OR51G2: variants seen among roughly 807,000 people sequenced by gnomAD.
The protein encoded by OR51G2 is olfactory receptor 51G2.
Under a neutral mutation model 11.8 loss-of-function variants are expected in OR51G2, and 13 were observed. That is an observed-to-expected ratio of 1.10 (90% CI 0.72 to 1.76). The LOEUF (loss-of-function observed/expected upper bound fraction) is 1.76. OR51G2 is among the 40% of genes most tolerant of loss of function. The pLI, the probability that OR51G2 is intolerant of heterozygous loss-of-function variation, is 0.00. For synonymous variants in OR51G2, 178 were observed against 151.9 expected, an observed-to-expected ratio of 1.17 and a Z score of -1.26; for missense variants, 474 against 394.4, an observed-to-expected ratio of 1.20 and a Z score of -1.71.
At position 4,914,964 on chromosome 11, in the gene OR51G2, C is replaced by T. The variant is rs761017743; in HGVS notation, c.700G>A (p.Ala234Thr). The T allele has an allele frequency of 8.0e-5, 129 of 1,614,066 alleles. No individual in the cohort carries two copies. Among genetic ancestry groups the T allele is most frequent in the South Asian group, 3.4e-4 (31 of 91,076 alleles). Reference sequence around the variant, plus strand: ...GCCTTGAATCTCTCAGCCCTGGAGGCGATGGACAGCACGGTGCGCAGGATC... The same window carrying T: ...GCCTTGAATCTCTCAGCCCTGGAGGTGATGGACAGCACGGTGCGCAGGATC... ...ALILRTVLSI[A>T]SRAERFKALN... The change falls in exon 2 of 2, where the codon GCC becomes ACC. Residue 234 changes from alanine (A) to threonine (T), a missense_variant. Ala to Thr is a moderately conservative substitution (Grantham distance 58, BLOSUM62 0). Transcript: ENST00000641926.
At position 4,915,339 on chromosome 11, in the gene OR51G2, T is replaced by C. The variant is rs1309310824; in HGVS notation, c.325A>G (p.Ile109Val). The C allele has an allele frequency of 6.2e-7, 1 of 1,613,798 alleles. No homozygotes were observed. Among genetic ancestry groups the C allele is most frequent in the Non-Finnish European group, 8.5e-7 (1 of 1,179,940 alleles). The change falls in exon 2 of 2, where the codon ATT becomes GTT. Residue 109 changes from isoleucine (I) to valine (V), a missense_variant. By Grantham distance (29) the Ile-to-Val change is conservative (BLOSUM62 3). Transcript: ENST00000641926. ...HDACFAQLFF[I>V]HCFSFLESSV... The stretch of plus-strand genomic sequence containing the variant: ...GACTCGAGGAAGGAGAAGCAGTGAA[T>C]GAAAAAGAGCTGAGCAAAGCAGGCA...
rs113922332 is a variant in OR51G2, at chr11:4,914,861, C to T, written c.803G>A (p.Arg268His). 1.5e-4 allele frequency: 236 copies of T among 1,613,924 alleles called. 1 individual carries two copies. Among genetic ancestry groups the T allele is most frequent in the East Asian group, 7.6e-4 (34 of 44,836 alleles). The change falls in exon 2 of 2, where the codon CGC becomes CAC. Residue 268 changes from arginine to histidine, a missense_variant. Arg to His is a conservative substitution (Grantham distance 29, BLOSUM62 0). Transcript: ENST00000641926. ...TPMIGLSVIHRFGKQAPHLVQ... is the reference protein window; with the variant it reads ...TPMIGLSVIHHFGKQAPHLVQ... ...CAGGTGGGGTGCCTGCTTTCCAAAGCGATGGATGACAGAGAGGCCAATCAT... is the reference window on the plus strand; with the variant it reads ...CAGGTGGGGTGCCTGCTTTCCAAAGTGATGGATGACAGAGAGGCCAATCAT...
Position 4,914,884 on chromosome 11 carries a change from C to CATGGGAGTGTAGAAGAGCAGCACAGCA in OR51G2, c.753_779dup (p.Pro259_Met260insIleAlaValLeuLeuPheTyrThrPro). 1 of 1,614,078 alleles carries CATGGGAGTGTAGAAGAGCAGCACAGCA rather than the reference C, an allele frequency of 6.2e-7. No individual in the cohort carries two copies. The highest frequency in any genetic ancestry group is 8.5e-7 in the Non-Finnish European group (1 of 1,180,010). ...AGCGATGGATGACAGAGAGGCCAAT[C>CATGGGAGTGTAGAAGAGCAGCACAGCA]ATGGGAGTGTAGAAGAGCAGCACAG... is the stretch of plus-strand genomic sequence containing the variant. On this transcript the variant is annotated inframe_insertion, in exon 2 of 2. Coordinates refer to ENST00000641926, the MANE Select transcript of OR51G2 (RefSeq NM_001005238.2).
rs549541455 is a variant in OR51G2, at chr11:4,915,426, G to T, written c.238C>A (p.Leu80Ile). Residue 80 changes from leucine to isoleucine, a missense_variant, in exon 2 of 2, where the codon CTT (leucine) becomes ATT (isoleucine). By Grantham distance (5) the Leu-to-Ile change is conservative (BLOSUM62 2). Transcript: ENST00000641926. Reference protein sequence around the residue: ...MLALIDLGLSLCTLPTVLGIF... With the variant: ...MLALIDLGLSICTLPTVLGIF... The stretch of plus-strand genomic sequence containing the variant: ...CCCAGGACTGTAGGGAGAGTGCAAA[G>T]GGAGAGACCCAGGTCAATCAGAGCC... The T allele has an allele frequency of 1.9e-6, 3 of 1,614,066 alleles. No homozygotes were observed. The East Asian group carries it at 6.7e-5, about 36-fold the overall frequency.
At chr11:4,917,133 G>A (rs61880592) in intron 1 of OR51G2, among the ~76,000 whole-genome samples, 4 of 139,172 alleles carry the variant, frequency 2.9e-5, no homozygotes, top group African/African-American at 5.5e-5. Flanking sequence ...GCCCCAGTAC[G>A]CAGCAGATGC....
At position 4,912,712 on chromosome 11, in the gene OR51G2, G is replaced by A. The variant is rs1851009848; in HGVS notation, c.*2007C>T. ...TTATGGGATCTGAGTTACGTAACAG[G>A]CAGCTATAACCTAGGCAGCTGTAAT... On this transcript the variant is annotated 3_prime_UTR_variant, in exon 2 of 2. Transcript: ENST00000641926. 6.6e-6 allele frequency: 1 copy of A among 152,146 alleles called. No individual in the cohort carries two copies. 9.4% of individuals were successfully genotyped at this position (152,146 alleles called of 1,614,324 possible). A position where few individuals can be genotyped will look rare whatever the true frequency, so the allele number is the denominator to read the frequency against.
intron 1 of OR51G2, among the ~76,000 whole-genome samples, chr11:4,917,381 A>G (rs917292253): frequency 1.3e-5 from 2 of 152,224 alleles, no homozygotes; most frequent in African/African-American, 4.8e-5. Context: ...GATATAAACA[A>G]TGATTACTCT....
At chr11:4,918,157 A>G (rs192749374) in intron 1 of OR51G2, among the ~76,000 whole-genome samples, 1 of 152,182 alleles carries the variant, frequency 6.6e-6, no homozygotes, top group Middle Eastern at 3.4e-3. Context: ...AGAGAATTTT[A>G]TAATATCCCT....
At chr11:4,918,513 A>G (rs1224120323) in intron 1 of OR51G2, among the ~76,000 whole-genome samples, 1 of 152,164 alleles carries the variant, frequency 6.6e-6, no homozygotes, top group Non-Finnish European at 1.5e-5. Flanking sequence ...TAATGATGCC[A>G]GGAGATATCT....
chr11:4,915,651 A>G lies in OR51G2; in HGVS notation c.13T>C (p.Ser5Pro). 6.2e-7 allele frequency: 1 copy of G among 1,611,876 alleles called. No homozygotes were observed. Among genetic ancestry groups the G allele is most frequent in the East Asian group, 2.2e-5 (1 of 44,822 alleles). Reference protein sequence around the residue: MTLGSLGNSSSSVSA... With the variant: MTLGPLGNSSSSVSA... ...ACGCTGCTGCTGCTGTTTCCCAGGG[A>G]TCCCAGGGTCATTGTGTGAGGAGAC... Residue 5 changes from serine to proline, a missense_variant, in exon 2 of 2, where the codon TCC (serine) becomes CCC (proline). By Grantham distance (74) the Ser-to-Pro change is moderately conservative (BLOSUM62 -1). Transcript: ENST00000641926.
Position 4,915,039 on chromosome 11 carries a change from C to A in OR51G2, c.625G>T (p.Val209Phe). 6.2e-7 allele frequency: 1 copy of A among 1,613,958 alleles called. No individual in the cohort carries two copies. The highest frequency in any genetic ancestry group is 8.5e-7 in the Non-Finnish European group (1 of 1,180,006). ...ANSIYGMFVIVSTVGIDSLLI... is the reference protein window; with the variant it reads ...ANSIYGMFVIFSTVGIDSLLI... ...AGTGAGTCTATACCCACTGTAGAGA[C>A]GATGACAAACATGCCGTAGATGCTG... The change falls in exon 2 of 2, where the codon GTC (valine) becomes TTC (phenylalanine). Residue 209 changes from valine to phenylalanine, a missense_variant. By Grantham distance (50) the Val-to-Phe change is conservative (BLOSUM62 -1). Coordinates refer to ENST00000641926, the MANE Select transcript of OR51G2 (RefSeq NM_001005238.2).
In OR51G2 at chr11:4,914,997, A is replaced by G. The variant is rs1851055805; in HGVS notation, c.667T>C (p.Tyr223His). ...AGCACGGTGCGCAGGATCAGAGCAT[A>G]AGAGAAGAGGATGAGCAGTGAGTCT... ...GIDSLLILFS[Y>H]ALILRTVLSI... is the part of the protein sequence containing the mutation. Residue 223 changes from tyrosine to histidine, a missense_variant, in exon 2 of 2, where the codon TAT (tyrosine) becomes CAT (histidine). Transcript: ENST00000641926. 1.2e-6 allele frequency: 2 copies of G among 1,613,994 alleles called. No individual in the cohort carries two copies. The highest frequency in any genetic ancestry group is 1.7e-6 in the Non-Finnish European group (2 of 1,180,028).
Position 4,915,334 on chromosome 11 carries a change from G to A in OR51G2, c.330C>T (p.His110=). 1 of 1,614,016 alleles carries A rather than the reference G, an allele frequency of 6.2e-7. No homozygotes were observed. The change falls in exon 2 of 2, where the codon CAC becomes CAT. Residue 110 remains histidine (H), a synonymous_variant. Coordinates refer to ENST00000641926, the MANE Select transcript of OR51G2 (RefSeq NM_001005238.2). ...DACFAQLFFI[H]CFSFLESSVL... ...CAGAGGACTCGAGGAAGGAGAAGCAGTGAATGAAAAAGAGCTGAGCAAAGC... is the reference window on the plus strand; with the variant it reads ...CAGAGGACTCGAGGAAGGAGAAGCAATGAATGAAAAAGAGCTGAGCAAAGC...
rs757448129 is a variant in OR51G2, at chr11:4,914,675, C to G, written c.*44G>C. 1.5e-6 allele frequency: 2 copies of G among 1,374,134 alleles called. No individual in the cohort carries two copies. The highest frequency in any genetic ancestry group is 4.7e-5 in the East Asian group (2 of 42,776). 85.1% of individuals were successfully genotyped at this position (1,374,134 alleles called of 1,614,324 possible). On this transcript the variant is annotated 3_prime_UTR_variant, in exon 2 of 2. Coordinates refer to ENST00000641926, the MANE Select transcript of OR51G2 (RefSeq NM_001005238.2). ...TTAGAAATTATAAAGGATAGGCAAA[C>G]AAGGGCACGTTTCAGGAGACAGTGG... is the stretch of plus-strand genomic sequence containing the variant.
rs1048368915 is a variant in OR51G2, at chr11:4,913,142, G to C, written c.*1577C>G. The C allele has an allele frequency of 3.9e-5, 6 of 152,100 alleles. No homozygotes were observed. The highest frequency in any genetic ancestry group is 8.8e-5 in the Non-Finnish European group (6 of 68,020). 9.4% of individuals were successfully genotyped at this position (152,100 alleles called of 1,614,324 possible). A position where few individuals can be genotyped will look rare whatever the true frequency, so the allele number is the denominator to read the frequency against. ...TCAAATGGTCATTCTCAACTTTGTG[G>C]CTAAATAAGCTCTTTTAAACTGGGT... On this transcript the variant is annotated 3_prime_UTR_variant, in exon 2 of 2. Coordinates refer to ENST00000641926, the MANE Select transcript of OR51G2 (RefSeq NM_001005238.2).
rs989432898 is a variant in OR51G2, at chr11:4,913,744, T to C, written c.*975A>G. On this transcript the variant is annotated 3_prime_UTR_variant, in exon 2 of 2. Coordinates refer to ENST00000641926, the MANE Select transcript of OR51G2 (RefSeq NM_001005238.2). ...GCAACAAAAACAACACTTCAGATAATTCTCAGAATACACTGTCCTCTCTCT... is the reference window on the plus strand; with the variant it reads ...GCAACAAAAACAACACTTCAGATAACTCTCAGAATACACTGTCCTCTCTCT... The C allele has an allele frequency of 3.9e-5, 6 of 152,154 alleles. No individual in the cohort carries two copies. The highest frequency in any genetic ancestry group is 2.6e-4 in the Admixed American group (4 of 15,272). The allele number at this position is 152,154 out of a possible 1,614,324, so 9.4% of individuals were successfully genotyped here. A position where few individuals can be genotyped will look rare whatever the true frequency, so the allele number is the denominator to read the frequency against.
chr11:4,915,525 T>A lies in OR51G2; in HGVS notation c.139A>T (p.Asn47Tyr), dbSNP rs764296220. ...TTAATGATAAAAAGAATTGTGCAGTTGCCCGGGATGGAAACCAGATACATG... is the reference window on the plus strand; with the variant it reads ...TTAATGATAAAAAGAATTGTGCAGTAGCCCGGGATGGAAACCAGATACATG... ...CFMYLVSIPG[N>Y]CTILFIIKTE... The change falls in exon 2 of 2, where the codon AAC (asparagine) becomes TAC (tyrosine). Residue 47 changes from asparagine to tyrosine, a missense_variant. Coordinates refer to ENST00000641926, the MANE Select transcript of OR51G2 (RefSeq NM_001005238.2). 6.2e-6 allele frequency: 10 copies of A among 1,614,080 alleles called. No homozygotes were observed. In the South Asian group the frequency reaches 1.1e-4, roughly 18 times the overall value.
rs371119617 is a variant in OR51G2, at chr11:4,915,040, G to A, written c.624C>T (p.Ile208=). 56 of 1,613,964 alleles carry A rather than the reference G, an allele frequency of 3.5e-5. No individual in the cohort carries two copies. The African/African-American group carries it at 4.0e-4, about 12-fold the overall frequency. ...GTGAGTCTATACCCACTGTAGAGACGATGACAAACATGCCGTAGATGCTGT... is the reference window on the plus strand; with the variant it reads ...GTGAGTCTATACCCACTGTAGAGACAATGACAAACATGCCGTAGATGCTGT... ...KANSIYGMFV[I]VSTVGIDSLL... is the part of the protein sequence containing the mutation. Residue 208 remains isoleucine, a synonymous_variant, in exon 2 of 2, where the codon ATC becomes ATT. Coordinates refer to ENST00000641926, the MANE Select transcript of OR51G2 (RefSeq NM_001005238.2).
rs540493830 is a variant in OR51G2, at chr11:4,912,843, T to C, written c.*1876A>G. The C allele has an allele frequency of 6.6e-6, 1 of 152,210 alleles. No individual in the cohort carries two copies. Among genetic ancestry groups the C allele is most frequent in the African/African-American group, 2.4e-5 (1 of 41,540 alleles). The allele number at this position is 152,210 out of a possible 1,614,324, so 9.4% of individuals were successfully genotyped here. ...AGACCTTTTCCCACTCCACTGTTGATCTTCATTTTTAGATTAACTTACGTC... is the reference window on the plus strand; with the variant it reads ...AGACCTTTTCCCACTCCACTGTTGACCTTCATTTTTAGATTAACTTACGTC... On this transcript the variant is annotated 3_prime_UTR_variant, in exon 2 of 2. Transcript: ENST00000641926.
Sources: gnomAD v4.1 joint callset for allele counts (sites outside exome capture counted in the v4.1 genomes callset) on GRCh38, gnomAD v4.1.1 for gene constraint, MANE v1.5 for transcripts, NCBI Gene and HGNC (gene_info 2026-07-23, HGNC 2026-07-21) for gene names.